The following SPAG16 variants were observed in gnomAD, a reference collection of about 807,000 sequenced individuals.
SPAG16 encodes the protein sperm associated antigen 16, also known as sperm-associated antigen 16 protein.
In SPAG16, 86 loss-of-function variants were observed where a neutral mutation model predicts 80.4. That is an observed-to-expected ratio of 1.07 (90% CI 0.90 to 1.28). The LOEUF is 1.28. Ranked by LOEUF, SPAG16 falls within the 50% of genes most tolerant of loss-of-function variation. The probability of loss-of-function intolerance (pLI) is 0.00; values close to 1 mark genes in which losing one functional copy is unlikely to be tolerated. For missense variants in SPAG16, 870 were observed against 765.3 expected (o/e 1.14, Z -1.61); for synonymous variants, 294 against 265.9 (o/e 1.11, Z -1.03).
rs189244674 is a variant in SPAG16 at position 214,258,238 on chromosome 2, C to T, written c.1720+108972C>T. 7.9e-5 allele frequency among the ~76,000 whole-genome samples: 12 copies of T among 151,656 alleles called. No individual in the cohort carries two copies. In the East Asian group the frequency reaches 1.2e-3, roughly 15 times the overall value. ...CCAATGTGTAGTCTTTTATTCCTCACCCCCCTCCCACTCTTCTTCCCGAGT... is the reference window on the plus strand; with the variant it reads ...CCAATGTGTAGTCTTTTATTCCTCATCCCCCTCCCACTCTTCTTCCCGAGT... On this transcript the variant is annotated intron_variant, in intron 15 of 15. Coordinates refer to ENST00000331683, the MANE Select transcript of SPAG16 (RefSeq NM_024532.5).
intron 10 of SPAG16, among the ~76,000 whole-genome samples, chr2:213,536,992 A>T (rs2076273766): frequency 6.6e-6 from 1 of 152,094 alleles, no homozygotes; most frequent in South Asian, 2.1e-4. Flanking sequence ...CATAAAAAAG[A>T]TGAGTTCATG....
chr2:214,291,431 A>G (rs988126639), intron 15 of SPAG16, among the ~76,000 whole-genome samples: 3 of 140,012 alleles, frequency 2.1e-5, no homozygotes, highest in Non-Finnish European at 4.6e-5. Flanking sequence ...TCAGCCTCCC[A>G]AGTAGCTGGG....
At chr2:213,866,275 A>C (rs561569182) in intron 11 of SPAG16, among the ~76,000 whole-genome samples, 4 of 152,208 alleles carry the variant, frequency 2.6e-5, no homozygotes, top group African/African-American at 9.6e-5. Context: ...TAACGGATAC[A>C]GTACTCACAT....
At chr2:213,973,985 G>C (rs970636839) in intron 12 of SPAG16, among the ~76,000 whole-genome samples, 1 of 152,106 alleles carries the variant, frequency 6.6e-6, no homozygotes, top group Non-Finnish European at 1.5e-5. Flanking sequence ...TTTATGACCT[G>C]TAGTAAATCA....
chr2:214,176,955 A>G (rs1313258162), intron 15 of SPAG16, among the ~76,000 whole-genome samples: 1 of 150,604 alleles, frequency 6.6e-6, no homozygotes, highest in Non-Finnish European at 1.5e-5. Context: ...AGCTTTTTTT[A>G]AAAAAATTTC....
intron 10 of SPAG16, among the ~76,000 whole-genome samples, chr2:213,818,501 T>G (rs2072715979): frequency 6.6e-6 from 1 of 152,184 alleles, no homozygotes; most frequent in Non-Finnish European, 1.5e-5. Context: ...GGTCTCATAT[T>G]TGCAGGACTG....
chr2:213,751,302 C>T (rs1268936285), intron 10 of SPAG16, among the ~76,000 whole-genome samples: 1 of 152,100 alleles, frequency 6.6e-6, no homozygotes, highest in Non-Finnish European at 1.5e-5. Flanking sequence ...TGCAATATAG[C>T]CCACTTGTTC....
chr2:213,932,195 TATATTTG>T, intron 12 of SPAG16, among the ~76,000 whole-genome samples: 1 of 114,882 alleles, frequency 8.7e-6, no homozygotes, highest in African/African-American at 3.6e-5. Flanking sequence ...TATATATATA[TATATTTG>T]TTGTTGTTGT....
chr2:213,288,713 ATTTCT>A (rs2062151376), intron 1 of SPAG16, among the ~76,000 whole-genome samples: 1 of 151,498 alleles, frequency 6.6e-6, no homozygotes, highest in South Asian at 2.1e-4. Context: ...GGATGCATAG[ATTTCT>A]TTTTCTTTTT....
At chr2:214,151,869 T>C (rs557662217) in intron 15 of SPAG16, among the ~76,000 whole-genome samples, 10 of 152,320 alleles carry the variant, frequency 6.6e-5, no homozygotes, top group African/African-American at 2.2e-4. Context: ...ATAAATAGCA[T>C]CCTGTCTGAG....
At chr2:213,705,786 TTTGTTGTTGTTG>T (rs10525863) in intron 10 of SPAG16, among the ~76,000 whole-genome samples, 2 of 127,876 alleles carry the variant, frequency 1.6e-5, no homozygotes, top group South Asian at 2.4e-4. Context: ...TGGTGGAGGG[TTTGTTGTTGTTG>T]TTGTTGTTGT....
At chr2:213,879,749 C>T (rs2076275595) in intron 11 of SPAG16, among the ~76,000 whole-genome samples, 1 of 152,028 alleles carries the variant, frequency 6.6e-6, no homozygotes, top group Admixed American at 6.6e-5. Flanking sequence ...GTTTTCCATT[C>T]TTGCATTGGT....
chr2:213,828,191 G>C (rs571433104), intron 10 of SPAG16, among the ~76,000 whole-genome samples: 1 of 152,072 alleles, frequency 6.6e-6, no homozygotes. Flanking sequence ...GGTCTTGTAG[G>C]TGTGCTTATT....
chr2:213,289,239 T>C (rs1272935629), intron 1 of SPAG16, among the ~76,000 whole-genome samples: 4 of 152,258 alleles, frequency 2.6e-5, no homozygotes, highest in African/African-American at 9.6e-5. Flanking sequence ...CTTTATATTT[T>C]CAGATAGAAA....
chr2:214,046,599 A>G (rs1009058655), intron 13 of SPAG16, among the ~76,000 whole-genome samples: 1 of 152,232 alleles, frequency 6.6e-6, no homozygotes, highest in East Asian at 1.9e-4. Context: ...TGAATGGAGG[A>G]AAACTGAAAG....
intron 13 of SPAG16, among the ~76,000 whole-genome samples, chr2:214,044,188 C>A (rs977201113): frequency 6.6e-6 from 1 of 152,054 alleles, no homozygotes; most frequent in African/African-American, 2.4e-5. Flanking sequence ...ATCATAATAG[C>A]AATCTTTACA....
intron 12 of SPAG16, among the ~76,000 whole-genome samples, chr2:213,971,148 A>G (rs2045029735): frequency 6.6e-6 from 1 of 152,168 alleles, no homozygotes. Flanking sequence ...TTCAAAACTT[A>G]TGTTTAATAC....
chr2:214,201,737 G>A (rs184420815), intron 15 of SPAG16, among the ~76,000 whole-genome samples: 29 of 152,300 alleles, frequency 1.9e-4, no homozygotes, highest in African/African-American at 7.0e-4. Flanking sequence ...ATATTCTCTG[G>A]AAATAATCTT....
chr2:213,605,558 C>T (rs1014573790), intron 10 of SPAG16, among the ~76,000 whole-genome samples: 12 of 152,052 alleles, frequency 7.9e-5, no homozygotes, highest in African/African-American at 2.7e-4. Flanking sequence ...GGCCCGGTCT[C>T]GGCTCACTGC....
Sources: gnomAD v4.1 joint callset for allele counts (sites outside exome capture counted in the v4.1 genomes callset) on GRCh38, gnomAD v4.1.1 for gene constraint, MANE v1.5 for transcripts, NCBI Gene and HGNC (gene_info 2026-07-23, HGNC 2026-07-21) for gene names.